KIAA1328: variants seen among roughly 807,000 people sequenced by gnomAD.
KIAA1328 encodes KIAA1328.
KIAA1328 carries 52 observed loss-of-function variants against 68.1 expected under a neutral mutation model. The ratio of observed to expected loss-of-function variants is 0.76; its 90% CI spans 0.61 to 0.96. The LOEUF (loss-of-function observed/expected upper bound fraction) is 0.96, where lower values mean the gene tolerates loss of function less well. Among genes scored for constraint, KIAA1328 ranks in the 40% least tolerant of loss-of-function variants. The pLI is 0.00. For missense variants in KIAA1328, 641 were observed against 677.6 expected (o/e 0.95, Z 0.60); for synonymous variants, 232 against 239.4 (o/e 0.97, Z 0.28).
At chr18:36,939,099 T>G (rs2050613220) in intron 5 of KIAA1328, among the ~76,000 whole-genome samples, 1 of 152,170 alleles carries the variant, frequency 6.6e-6, no homozygotes, top group South Asian at 2.1e-4. Flanking sequence ...AGATTTGGGG[T>G]GTTGTTTTTC....
chr18:37,153,539 T>C (rs1322284806), intron 7 of KIAA1328, among the ~76,000 whole-genome samples: 2 of 151,806 alleles, frequency 1.3e-5, no homozygotes, highest in African/African-American at 4.8e-5. Context: ...TATATACCTA[T>C]ATATAGAAAT....
chr18:37,094,522 G>A (rs2151842555), intron 7 of KIAA1328, among the ~76,000 whole-genome samples: 1 of 152,228 alleles, frequency 6.6e-6, no homozygotes, highest in South Asian at 2.1e-4. Context: ...AAAGGTCAGT[G>A]TCTACCATCA....
At chr18:36,840,707 T>C (rs1266243498) in intron 3 of KIAA1328, among the ~76,000 whole-genome samples, 1 of 152,128 alleles carries the variant, frequency 6.6e-6, no homozygotes, top group Non-Finnish European at 1.5e-5. Flanking sequence ...CACCTCGGCC[T>C]CCGAAAGTGC....
chr18:36,891,264 C>T (rs1201842524), intron 5 of KIAA1328, among the ~76,000 whole-genome samples: 1 of 152,100 alleles, frequency 6.6e-6, no homozygotes, highest in South Asian at 2.1e-4. Flanking sequence ...TTAAATACCA[C>T]TCTATATTCA....
intron 7 of KIAA1328, among the ~76,000 whole-genome samples, chr18:37,089,671 T>A (rs2151828476): frequency 6.6e-6 from 1 of 152,326 alleles, no homozygotes; most frequent in East Asian, 1.9e-4. Flanking sequence ...CACTGAGCCC[T>A]GCCTGGTAGT....
chr18:36,875,181 A>G (rs750213308), intron 4 of KIAA1328, among the ~76,000 whole-genome samples: 76 of 152,182 alleles, frequency 5.0e-4, no homozygotes, highest in Admixed American at 8.5e-4. Flanking sequence ...TATGAAATTT[A>G]AAGTAGTTTT....
At chr18:37,185,553 T>C (rs1306284927) in intron 9 of KIAA1328, among the ~76,000 whole-genome samples, 1 of 152,120 alleles carries the variant, frequency 6.6e-6, no homozygotes, top group East Asian at 1.9e-4. Flanking sequence ...TATCCAAGAA[T>C]GCCACTGTGT....
At chr18:36,962,731 C>G (rs536947850) in intron 6 of KIAA1328, among the ~76,000 whole-genome samples, 2 of 152,098 alleles carry the variant, frequency 1.3e-5, no homozygotes, top group Non-Finnish European at 2.9e-5. Flanking sequence ...GGGTAAATAA[C>G]GAAATGAAGG....
chr18:37,128,893 A>G (rs2151950553), intron 7 of KIAA1328, among the ~76,000 whole-genome samples: 1 of 152,350 alleles, frequency 6.6e-6, no homozygotes, highest in South Asian at 2.1e-4. Context: ...TAAATGGGAA[A>G]AAAAAGACAA....
chr18:37,054,282 A>T (rs1441377057), intron 6 of KIAA1328, among the ~76,000 whole-genome samples: 1 of 152,212 alleles, frequency 6.6e-6, no homozygotes, highest in Non-Finnish European at 1.5e-5. Context: ...ACTGGAACCA[A>T]CATTTTACCT....
chr18:37,024,494 A>G (rs1436391992), intron 6 of KIAA1328, among the ~76,000 whole-genome samples: 1 of 151,898 alleles, frequency 6.6e-6, no homozygotes, highest in African/African-American at 2.4e-5. Context: ...CATCATTTAC[A>G]TTAGGTATAT....
intron 7 of KIAA1328, among the ~76,000 whole-genome samples, chr18:37,154,886 G>A (rs1399274991): frequency 6.6e-6 from 1 of 151,956 alleles, no homozygotes; most frequent in African/African-American, 2.4e-5. Flanking sequence ...TTCAGTCCCT[G>A]TTGCCTCACT....
intron 9 of KIAA1328, among the ~76,000 whole-genome samples, chr18:37,183,402 C>T (rs1275852873): frequency 1.3e-5 from 2 of 152,088 alleles, no homozygotes; most frequent in African/African-American, 4.8e-5. Context: ...ATGATGGGCC[C>T]CAGTGATGTG....
downstream of KIAA1328, among the ~76,000 whole-genome samples, chr18:37,228,612 A>T (rs539576382): frequency 3.3e-5 from 5 of 152,276 alleles, no homozygotes; most frequent in African/African-American, 1.2e-4. Context: ...TGAGGTCAGG[A>T]GTTCAAGACC....
At chr18:37,174,380 CTTTTTTTTTTT>C (rs757197220) in intron 9 of KIAA1328, among the ~76,000 whole-genome samples, 1 of 120,622 alleles carries the variant, frequency 8.3e-6, no homozygotes, top group African/African-American at 3.1e-5. Flanking sequence ...TGCTTTCTTC[CTTTTTTTTTTT>C]TTTTTTTTTT....
chr18:36,862,165 A>G (rs2047585974), intron 4 of KIAA1328, among the ~76,000 whole-genome samples: 1 of 152,228 alleles, frequency 6.6e-6, no homozygotes. Flanking sequence ...GTACAATATC[A>G]CAGGAAATTG....
chr18:36,953,227 A>C (rs2051237442), intron 5 of KIAA1328, among the ~76,000 whole-genome samples: 1 of 147,760 alleles, frequency 6.8e-6, no homozygotes, highest in Admixed American at 6.8e-5. Context: ...ATAATTATTA[A>C]ATTATTATAT....
intron 7 of KIAA1328, among the ~76,000 whole-genome samples, chr18:37,115,377 C>T (rs539815286): frequency 7.2e-5 from 11 of 152,230 alleles, no homozygotes; most frequent in Non-Finnish European, 1.0e-4. Flanking sequence ...AATCAATAAA[C>T]GTAATCCATC....
rs1321231927 is a variant in KIAA1328 at position 37,149,177 on chromosome 18, A to G, written c.1233-11023A>G. Among the ~76,000 whole-genome samples the G allele has an allele frequency of 3.3e-5, 5 of 152,330 alleles. No homozygotes were observed. In the South Asian group the frequency reaches 1.0e-3, roughly 32 times the overall value. On this transcript the variant is annotated intron_variant, in intron 7 of 9. Coordinates refer to ENST00000280020, the MANE Select transcript of KIAA1328 (RefSeq NM_020776.3). ...TCACGCTACTGTACTTCAAGGCTACAGTAACTAAAACAGCATGGTACTGGT... is the reference window on the plus strand; with the variant it reads ...TCACGCTACTGTACTTCAAGGCTACGGTAACTAAAACAGCATGGTACTGGT...
Sources: allele counts gnomAD v4.1 joint callset (sites outside exome capture counted in the v4.1 genomes callset), GRCh38; gene constraint gnomAD v4.1.1; transcripts MANE v1.5; gene names NCBI Gene and HGNC (gene_info 2026-07-23, HGNC 2026-07-21).